TAOK3: variants seen among roughly 807,000 people sequenced by gnomAD.
TAOK3 encodes TAO kinase 3, also known as serine/threonine-protein kinase TAO3.
In TAOK3, 40 loss-of-function variants were observed where a neutral mutation model predicts 120.4. That is an observed-to-expected ratio of 0.33 (90% CI 0.26 to 0.43). The LOEUF is 0.43. Among genes scored for constraint, TAOK3 ranks in the 20% least tolerant of loss-of-function variants. The probability of loss-of-function intolerance (pLI) is 1.00; values close to 1 mark genes in which losing one functional copy is unlikely to be tolerated. For missense variants in TAOK3, 821 were observed against 1,112.1 expected (o/e 0.74, Z 3.72); for synonymous variants, 355 against 387.5 (o/e 0.92, Z 0.99).
intron 1 of TAOK3, among the ~76,000 whole-genome samples, chr12:118,290,996 C>T (rs2042454006): frequency 1.3e-5 from 2 of 151,198 alleles, no homozygotes; most frequent in Admixed American, 1.3e-4. Flanking sequence ...GCTGGGATTA[C>T]AGGCGCCTGC....
intron 3 of TAOK3, among the ~76,000 whole-genome samples, chr12:118,252,812 C>T (rs1019118475): frequency 5.9e-5 from 9 of 151,720 alleles, no homozygotes; most frequent in Non-Finnish European, 7.4e-5. Flanking sequence ...CTCTGCCTCC[C>T]GAGTTCACGC....
chr12:118,205,474 C>T (rs973621339), intron 11 of TAOK3, among the ~76,000 whole-genome samples: 11 of 152,034 alleles, frequency 7.2e-5, no homozygotes, highest in Admixed American at 2.0e-4. Context: ...ACGGCTGCAA[C>T]TCAGGCTTTA....
In TAOK3 at chr12:118,331,645, C is replaced by CATA. The variant is rs1253476307; in HGVS notation, c.-194+41002_-194+41003insTAT. ...GGGCAACAGAACGAGACTCTTATCT[C>CATA]AAAAAAAAAAAAAAAAAAAAAAAGA... On this transcript the variant is annotated intron_variant, in intron 1 of 20. Transcript: ENST00000392533. 1.2e-4 allele frequency among the ~76,000 whole-genome samples: 6 copies of CATA among 48,018 alleles called. No individual in the cohort carries two copies. The Admixed American group carries it at 1.5e-3, about 12-fold the overall frequency. 31.5% of individuals were successfully genotyped at this position (48,018 alleles called of 152,430 possible).
intron 1 of TAOK3, among the ~76,000 whole-genome samples, chr12:118,269,230 C>G (rs925648455): frequency 1.3e-5 from 2 of 151,060 alleles, no homozygotes; most frequent in Admixed American, 1.3e-4. Flanking sequence ...GGCGAGATTT[C>G]AGCTCACTGC....
rs185268427 is a variant in TAOK3 at position 118,302,564 on chromosome 12, A to G, written c.-193-35805T>C. Reference sequence around the variant, plus strand: ...GAAGAGATCTTTGCTGGAGAGAGGTAAGAGGTCAAAGGTAAGAAAGAGACA... The same window carrying G: ...GAAGAGATCTTTGCTGGAGAGAGGTGAGAGGTCAAAGGTAAGAAAGAGACA... On this transcript the variant is annotated intron_variant, in intron 1 of 20. Transcript: ENST00000392533. Among the ~76,000 whole-genome samples, 619 of 152,314 alleles carry G rather than the reference A, an allele frequency of 4.1e-3. 3 individuals are homozygous for G. The highest frequency in any genetic ancestry group is 6.8e-3 in the Middle Eastern group (2 of 294).
chr12:118,220,962 T>C (rs1490513353), intron 9 of TAOK3, among the ~76,000 whole-genome samples: 4 of 152,238 alleles, frequency 2.6e-5, no homozygotes, highest in Non-Finnish European at 4.4e-5. Flanking sequence ...GGCTCACTGC[T>C]GAGCCAGAAT....
chr12:118,164,336 A>T (rs1592993415), intron 17 of TAOK3, among the ~76,000 whole-genome samples: 1 of 151,610 alleles, frequency 6.6e-6, no homozygotes, highest in East Asian at 2.0e-4. Flanking sequence ...CAAAAAAAAC[A>T]GAAAAACAAC....
Position 118,254,446 on chromosome 12 carries a change from T to C in TAOK3, c.120+1002A>G, listed in dbSNP as rs537308378. Among the ~76,000 whole-genome samples the C allele has an allele frequency of 2.0e-5, 3 of 150,762 alleles. No individual in the cohort carries two copies. The South Asian group carries it at 6.3e-4, about 32-fold the overall frequency. On this transcript the variant is annotated intron_variant, in intron 3 of 20. Transcript: ENST00000392533. ...CCCTGTCCTCATGACACTTGTTATT[T>C]AGGGAAAAAGACATATATAAAGCAA...
intron 2 of TAOK3, among the ~76,000 whole-genome samples, chr12:118,256,946 G>T (rs2140169745): frequency 6.6e-6 from 1 of 152,224 alleles, no homozygotes; most frequent in South Asian, 2.1e-4. Flanking sequence ...ATTCATTTTG[G>T]TGTAATTAAT....
intron 1 of TAOK3, among the ~76,000 whole-genome samples, chr12:118,363,894 G>A (rs12305849): frequency 0.03 from 4,575 of 152,180 alleles, 201 homozygotes; most frequent in African/African-American, 0.094. Context: ...GGCTGAGGTG[G>A]GCGGATCACC....
At chr12:118,319,303 GA>G (rs1292104927) in intron 1 of TAOK3, among the ~76,000 whole-genome samples, 3 of 152,016 alleles carry the variant, frequency 2.0e-5, no homozygotes, top group African/African-American at 7.2e-5. Context: ...GGAAACAAAA[GA>G]AAAATAAATT....
At chr12:118,171,939 T>C (rs893973001) in intron 17 of TAOK3, among the ~76,000 whole-genome samples, 2 of 152,216 alleles carry the variant, frequency 1.3e-5, no homozygotes, top group African/African-American at 2.4e-5. Flanking sequence ...ACATATTGTA[T>C]TGTAATTAGT....
intron 13 of TAOK3, among the ~76,000 whole-genome samples, chr12:118,197,723 T>G (rs1434004889): frequency 7.0e-6 from 1 of 142,264 alleles, no homozygotes; most frequent in Non-Finnish European, 1.5e-5. Context: ...AGTCTCACTG[T>G]GTTGCCCAAG....
chr12:118,196,618 A>G (rs145729027), intron 13 of TAOK3, among the ~76,000 whole-genome samples: 34 of 152,346 alleles, frequency 2.2e-4, no homozygotes, highest in Middle Eastern at 3.4e-3. Flanking sequence ...GTATTTATTA[A>G]GCACGTTCTT....
chr12:118,271,497 G>C (rs1262238267), intron 1 of TAOK3, among the ~76,000 whole-genome samples: 1 of 152,130 alleles, frequency 6.6e-6, no homozygotes, highest in Non-Finnish European at 1.5e-5. Flanking sequence ...CCAATGCATA[G>C]CATGAATCAG....
chr12:118,331,645 CAAA>C (rs57291591), intron 1 of TAOK3, among the ~76,000 whole-genome samples: 2 of 48,006 alleles, frequency 4.2e-5, no homozygotes, highest in Non-Finnish European at 4.7e-5. Context: ...ACTCTTATCT[CAAA>C]AAAAAAAAAA....
intron 16 of TAOK3, 64 bp downstream of exon 16, chr12:118,177,136 GA>G (rs1025967271): frequency 2.0e-6 from 3 of 1,498,530 alleles, no homozygotes; most frequent in Non-Finnish European, 2.8e-6. Flanking sequence ...AATGCAAGAT[GA>G]GTGAATGTTA....
intron 12 of TAOK3, chr12:118,199,656 A>G: frequency 4.6e-6 from 1 of 216,492 alleles, no homozygotes; most frequent in African/African-American, 2.3e-5. Flanking sequence ...ATATCTTCAA[A>G]TACAGCAGTG....
intron 11 of TAOK3, among the ~76,000 whole-genome samples, chr12:118,207,254 A>G (rs1011713483): frequency 2.0e-5 from 3 of 150,850 alleles, no homozygotes; most frequent in African/African-American, 7.3e-5. Flanking sequence ...TGAACCAGGG[A>G]GGCAGAGGTT....
Sources: gnomAD v4.1 joint callset for allele counts (sites outside exome capture counted in the v4.1 genomes callset) on GRCh38, gnomAD v4.1.1 for gene constraint, MANE v1.5 for transcripts, NCBI Gene and HGNC (gene_info 2026-07-23, HGNC 2026-07-21) for gene names.